The following TMEM230 variants were observed in gnomAD, a reference collection of about 807,000 sequenced individuals.
The protein encoded by TMEM230 is transmembrane protein 230.
Under a neutral mutation model 15.8 loss-of-function variants are expected in TMEM230, and 10 were observed. The observed-to-expected ratio is 0.63, with a 90% CI of 0.39 to 1.07. The LOEUF is 1.07. Among genes scored for constraint, TMEM230 ranks in the 50% least tolerant of loss-of-function variants. The pLI, the probability that TMEM230 is intolerant of heterozygous loss-of-function variation, is 0.01. For synonymous variants in TMEM230, 67 were observed against 76.9 expected (o/e 0.87, Z 0.68); for missense variants, 165 against 193.3 (o/e 0.85, Z 0.87).
chr20:5,111,867 G>T, intron 1 of TMEM230: 1 of 846,696 alleles, frequency 1.2e-6, no homozygotes, highest in Non-Finnish European at 1.4e-6. Context: ...TTTTTTTTGA[G>T]ACGGAGTCTC....
intron 3 of TMEM230, among the ~76,000 whole-genome samples, chr20:5,087,941 C>T (rs1262482517): frequency 2.1e-5 from 3 of 145,358 alleles, no homozygotes; most frequent in African/African-American, 7.6e-5. Flanking sequence ...GATCTGCCCG[C>T]GGTGGCCTCC....
intron 4 of TMEM230, 67 bp downstream of exon 3, chr20:5,106,111 ACACACACACG>A (rs1568504742): frequency 3.7e-5 from 56 of 1,525,620 alleles, no homozygotes; most frequent in Middle Eastern, 2.5e-4. Flanking sequence ...ACACACACAC[ACACACACACG>A]CACACTAGAG....
chr20:5,074,485 A>G (rs1346021214), intron 3 of TMEM230, among the ~76,000 whole-genome samples: 1 of 152,002 alleles, frequency 6.6e-6, no homozygotes, highest in East Asian at 1.9e-4. Context: ...CCTCTCCACA[A>G]TTTGTCACCC....
chr20:5,106,387 A>G, intron 3 of TMEM230, 77 bp from the exon 3 acceptor site: 1 of 1,474,720 alleles, frequency 6.8e-7, no homozygotes, highest in South Asian at 1.4e-5. Context: ...TTAATTAATT[A>G]TTTGTAATTT....
chr20:5,060,018 C>T, the TMEM230 span, among the ~76,000 whole-genome samples: 14 of 152,200 alleles, frequency 9.2e-5, no homozygotes, highest in South Asian at 6.2e-4. Flanking sequence ...GTAATCCACC[C>T]GCCTTGGCCT....
chr20:5,091,192 G>T (rs981678590), intron 3 of TMEM230, among the ~76,000 whole-genome samples: 1 of 151,860 alleles, frequency 6.6e-6, no homozygotes, highest in Non-Finnish European at 1.5e-5. Flanking sequence ...AAGGATTTTT[G>T]TTGTTGTTGT....
rs770805896 is a variant in TMEM230, at chr20:5,081,864, C to CTTTTTTT, written c.223-12522_223-12516dup. Among the ~76,000 whole-genome samples, 56 of 140,356 alleles carry CTTTTTTT rather than the reference C, an allele frequency of 4.0e-4. 4 individuals are homozygous for CTTTTTTT. The highest frequency in any genetic ancestry group is 1.5e-3 in the African/African-American group (51 of 33,836). The allele number at this position is 140,356 out of a possible 152,430, so 92.1% of individuals were successfully genotyped here. A position where few individuals can be genotyped will look rare whatever the true frequency, so the allele number is the denominator to read the frequency against. On this transcript the variant is annotated intron_variant, in intron 3 of 3. Coordinates refer to the TMEM230 transcript ENST00000612323. ...CTCATGTTTGAAATTCACTGATTTT[C>CTTTTTTT]TTTTTTTTCTTTTTTTTTTTTTTTT...
chr20:5,094,974 C>A (rs146517643), downstream of TMEM230, among the ~76,000 whole-genome samples: 121 of 152,224 alleles, frequency 7.9e-4, no homozygotes, highest in African/African-American at 2.5e-3. Context: ...AGGGGCACTG[C>A]TTTTCTTCAA....
chr20:5,100,066 T>C lies in TMEM230; in HGVS notation c.*725A>G, dbSNP rs1165857712. 1 of 985,172 alleles carries C rather than the reference T, an allele frequency of 1.0e-6. No individual in the cohort carries two copies. The highest frequency in any genetic ancestry group is 1.2e-6 in the Non-Finnish European group (1 of 829,812). The allele number at this position is 985,172 out of a possible 1,614,324, so 61.0% of individuals were successfully genotyped here. On this transcript the variant is annotated 3_prime_UTR_variant, in exon 5 of 5. Transcript: ENST00000342308. ...TAAACTCTAAATAATAACCACTACA[T>C]GTTTCATTAGGAAACAGCCAAAAGT... is the stretch of plus-strand genomic sequence containing the variant.
intron 3 of TMEM230, among the ~76,000 whole-genome samples, chr20:5,088,775 A>G (rs1171657319): frequency 1.3e-5 from 2 of 152,172 alleles, no homozygotes; most frequent in Admixed American, 6.6e-5. Flanking sequence ...CAGCCTCCCA[A>G]AGTGCTGATA....
intron 4 of TMEM230, among the ~76,000 whole-genome samples, chr20:5,101,406 G>T (rs2089856096): frequency 6.6e-6 from 1 of 151,994 alleles, no homozygotes; most frequent in African/African-American, 2.4e-5. Flanking sequence ...AGCCTTTCAG[G>T]TTTTCTTTTC....
At chr20:5,093,032 C>T (rs1271825002) in intron 3 of TMEM230, among the ~76,000 whole-genome samples, 1 of 151,910 alleles carries the variant, frequency 6.6e-6, no homozygotes, top group African/African-American at 2.4e-5. Flanking sequence ...GACAGGCCTC[C>T]AAATTGGAAA....
chr20:5,092,610 G>A (rs2089542350), intron 3 of TMEM230, among the ~76,000 whole-genome samples: 2 of 152,036 alleles, frequency 1.3e-5, no homozygotes, highest in South Asian at 4.2e-4. Flanking sequence ...CAGCTACTTG[G>A]GAGGTTGAGG....
intron 3 of TMEM230, among the ~76,000 whole-genome samples, chr20:5,075,066 CTTT>C (rs35746212): frequency 1.4e-5 from 2 of 139,162 alleles, no homozygotes; most frequent in Non-Finnish European, 1.6e-5. Context: ...TAAAGTGGTA[CTTT>C]TTTTTTTTTT....
intron 3 of TMEM230, among the ~76,000 whole-genome samples, chr20:5,084,127 C>T (rs972547008): frequency 2.0e-5 from 3 of 152,050 alleles, no homozygotes; most frequent in African/African-American, 4.8e-5. Flanking sequence ...TTTTCTGTTC[C>T]TGCGTTAATT....
At chr20:5,059,444 G>A in the TMEM230 span, among the ~76,000 whole-genome samples, 5 of 152,148 alleles carry the variant, frequency 3.3e-5, no homozygotes, top group African/African-American at 1.2e-4. Flanking sequence ...TGTATGTAAG[G>A]TTTAAAAAAT....
chr20:5,097,528 C>A (rs1256199303), downstream of TMEM230, among the ~76,000 whole-genome samples: 2 of 152,204 alleles, frequency 1.3e-5, no homozygotes, highest in African/African-American at 4.8e-5. Context: ...TCCCCAACTA[C>A]TTCTACTGTC....
chr20:5,110,287 G>GTT (rs113672230), intron 2 of TMEM230, among the ~76,000 whole-genome samples: 2 of 144,118 alleles, frequency 1.4e-5, no homozygotes, highest in Non-Finnish European at 3.1e-5. Flanking sequence ...CTTGAACTCA[G>GTT]TTTTTTTTTT....
At chr20:5,069,418 T>C in intron 3 of TMEM230, 3 of 1,453,780 alleles carry the variant, frequency 2.1e-6, no homozygotes, top group Non-Finnish European at 2.7e-6. Flanking sequence ...AAAATCCTAA[T>C]TGTCAAGAAA....
Sources: allele counts gnomAD v4.1 joint callset (sites outside exome capture counted in the v4.1 genomes callset), GRCh38; gene constraint gnomAD v4.1.1; transcripts MANE v1.5; gene names NCBI Gene and HGNC (gene_info 2026-07-23, HGNC 2026-07-21).